Variants in GALNTL6 observed in about 807,000 individuals in gnomAD.
GALNTL6 encodes the protein polypeptide N-acetylgalactosaminyltransferase like 6.
In GALNTL6, 46 loss-of-function variants were observed where a neutral mutation model predicts 73.7. That is an observed-to-expected ratio of 0.62 (90% CI 0.49 to 0.80). The LOEUF is 0.80. Among genes scored for constraint, GALNTL6 ranks in the 30% least tolerant of loss-of-function variants. GALNTL6 has a pLI of 0.00. For missense variants in GALNTL6, 604 were observed against 755.0 expected (o/e 0.80, Z 2.34); for synonymous variants, 259 against 263.7 (o/e 0.98, Z 0.17).
At chr4:172,853,622 C>CGT (rs1743958698) in intron 7 of GALNTL6, among the ~76,000 whole-genome samples, 1 of 152,178 alleles carries the variant, frequency 6.6e-6, no homozygotes, top group Admixed American at 6.5e-5. Context: ...CCCAACAACC[C>CGT]ATTCACTCAT....
At chr4:172,394,416 TTTC>T (rs927125545) in intron 5 of GALNTL6, among the ~76,000 whole-genome samples, 12 of 150,048 alleles carry the variant, frequency 8.0e-5, no homozygotes, top group Non-Finnish European at 8.8e-5. Flanking sequence ...TGCAATTTAT[TTTC>T]TTCTTCTTCT....
At position 172,375,280 on chromosome 4, in the gene GALNTL6, A is replaced by T. The variant is rs560680234; in HGVS notation, c.553+26591A>T. 3.3e-5 allele frequency among the ~76,000 whole-genome samples: 5 copies of T among 152,258 alleles called. No individual in the cohort carries two copies. The South Asian group carries it at 1.0e-3, about 32-fold the overall frequency. ...CTTACAGAAAAGGTCAAGCTGCAGG[A>T]TAGTGTTGTAACTTGTACTTCCCTT... On this transcript the variant is annotated intron_variant, in intron 5 of 12. Transcript: ENST00000506823.
chr4:172,151,067 A>G (rs1579186985), intron 2 of GALNTL6, among the ~76,000 whole-genome samples: 2 of 152,318 alleles, frequency 1.3e-5, no homozygotes, highest in South Asian at 4.1e-4. Flanking sequence ...GATATTAGAG[A>G]CAATTCTTTC....
intron 5 of GALNTL6, among the ~76,000 whole-genome samples, chr4:172,447,109 C>T (rs62331670): frequency 0.42 from 63,879 of 151,848 alleles, 16,203 homozygotes; most frequent in South Asian, 0.67. Context: ...AGCAAAATGC[C>T]AAATGTGCTG....
intron 5 of GALNTL6, among the ~76,000 whole-genome samples, chr4:172,411,925 G>C (rs1744453534): frequency 6.6e-6 from 1 of 151,690 alleles, no homozygotes; most frequent in South Asian, 2.1e-4. Context: ...AAAGTAAAAA[G>C]TTAAATAAGG....
At chr4:172,642,809 A>G (rs2111126942) in intron 5 of GALNTL6, among the ~76,000 whole-genome samples, 1 of 152,068 alleles carries the variant, frequency 6.6e-6, no homozygotes, top group Admixed American at 6.6e-5. Flanking sequence ...TAAAAACATC[A>G]TTATATACAC....
intron 2 of GALNTL6, among the ~76,000 whole-genome samples, chr4:171,868,883 G>T (rs1553965775): frequency 6.6e-6 from 1 of 152,154 alleles, no homozygotes; most frequent in Non-Finnish European, 1.5e-5. Flanking sequence ...GTTTCACCAT[G>T]TTGGCCAGGC....
chr4:172,819,759 T>G (rs150195317), intron 7 of GALNTL6, among the ~76,000 whole-genome samples: 19 of 152,354 alleles, frequency 1.2e-4, no homozygotes, highest in African/African-American at 4.3e-4. Context: ...GCAGTTTTCC[T>G]AAGTTTACAC....
Position 171,890,142 on chromosome 4 carries a change from T to G in GALNTL6, c.138+75424T>G, listed in dbSNP as rs140323441. Among the ~76,000 whole-genome samples, 210 of 152,264 alleles carry G rather than the reference T, an allele frequency of 1.4e-3. 1 individual carries two copies. Among genetic ancestry groups the G allele is most frequent in the African/African-American group, 4.8e-3 (200 of 41,580 alleles). ...CATCCCTTGTCCTACTCCATTTCCA[T>G]GTCTATACCAAAAGCAATCACTTTT... On this transcript the variant is annotated intron_variant, in intron 2 of 12. Coordinates refer to ENST00000506823, the MANE Select transcript of GALNTL6 (RefSeq NM_001034845.3).
At chr4:172,716,890 A>G (rs1369470869) in intron 5 of GALNTL6, among the ~76,000 whole-genome samples, 1 of 152,196 alleles carries the variant, frequency 6.6e-6, no homozygotes, top group Admixed American at 6.6e-5. Context: ...AATTCCTTGC[A>G]TAGTTGGAGT....
At chr4:172,433,665 G>A (rs933339496) in intron 5 of GALNTL6, among the ~76,000 whole-genome samples, 1 of 151,642 alleles carries the variant, frequency 6.6e-6, no homozygotes, top group African/African-American at 2.4e-5. Context: ...CTTCATTCCT[G>A]AAAATCCAGG....
At chr4:171,941,579 C>G (rs1437246312) in intron 2 of GALNTL6, among the ~76,000 whole-genome samples, 2 of 152,148 alleles carry the variant, frequency 1.3e-5, no homozygotes, top group East Asian at 3.9e-4. Flanking sequence ...CAGTTAGAAT[C>G]TTTACGATTA....
chr4:172,309,965 G>T (rs939229874), intron 3 of GALNTL6, among the ~76,000 whole-genome samples: 1 of 151,858 alleles, frequency 6.6e-6, no homozygotes, highest in African/African-American at 2.4e-5. Context: ...AAAAATAGCT[G>T]ATATATATAA....
At chr4:171,918,554 A>G (rs1737693581) in intron 2 of GALNTL6, among the ~76,000 whole-genome samples, 2 of 152,142 alleles carry the variant, frequency 1.3e-5, no homozygotes, top group Admixed American at 1.3e-4. Flanking sequence ...GGAATGCAAA[A>G]TGGTGCAGCC....
At chr4:172,209,305 A>G (rs1736248531) in intron 2 of GALNTL6, among the ~76,000 whole-genome samples, 1 of 152,066 alleles carries the variant, frequency 6.6e-6, no homozygotes, top group African/African-American at 2.4e-5. Flanking sequence ...TAGGTGGTAT[A>G]TATGGTCACT....
intron 2 of GALNTL6, among the ~76,000 whole-genome samples, chr4:172,212,950 C>T (rs1393049146): frequency 1.3e-5 from 2 of 152,174 alleles, no homozygotes; most frequent in Non-Finnish European, 1.5e-5. Flanking sequence ...GGATTACAGG[C>T]GTGAGCCACC....
chr4:172,136,881 C>G (rs1285224254), intron 2 of GALNTL6, among the ~76,000 whole-genome samples: 4 of 151,898 alleles, frequency 2.6e-5, no homozygotes, highest in African/African-American at 9.7e-5. Flanking sequence ...TTATGTAAAA[C>G]AAAGACCCCA....
Position 172,295,241 on chromosome 4 carries a change from G to A in GALNTL6, c.248-16373G>A, listed in dbSNP as rs147195229. On this transcript the variant is annotated intron_variant, in intron 3 of 12. Coordinates refer to ENST00000506823, the MANE Select transcript of GALNTL6 (RefSeq NM_001034845.3). The stretch of plus-strand genomic sequence containing the variant: ...GTTCAAGACCAGCCTGGCCAATATG[G>A]CAAAACTCTTTCTACTAAAAATACA... 6.6e-3 allele frequency among the ~76,000 whole-genome samples: 1,010 copies of A among 152,062 alleles called. 7 individuals carry two copies. Among genetic ancestry groups the A allele is most frequent in the Non-Finnish European group, 8.3e-3 (562 of 67,976 alleles).
intron 3 of GALNTL6, among the ~76,000 whole-genome samples, chr4:172,297,327 A>T (rs1266757789): frequency 1.3e-5 from 2 of 151,920 alleles, no homozygotes; most frequent in African/African-American, 4.8e-5. Flanking sequence ...CTGATGGTAG[A>T]TTCTTTTGCT....
Sources: gnomAD v4.1 joint callset for allele counts (sites outside exome capture counted in the v4.1 genomes callset) on GRCh38, gnomAD v4.1.1 for gene constraint, MANE v1.5 for transcripts, NCBI Gene and HGNC (gene_info 2026-07-23, HGNC 2026-07-21) for gene names.